Variants in FAM227B observed in about 807,000 individuals in gnomAD.
FAM227B encodes family with sequence similarity 227 member B.
FAM227B carries 88 observed loss-of-function variants against 73.8 expected under a neutral mutation model. That is an observed-to-expected ratio of 1.19 (90% confidence interval 1.00 to 1.42). The LOEUF is 1.42. Among genes scored for constraint, FAM227B ranks in the 40% most tolerant of loss-of-function variants. The pLI, the probability that FAM227B is intolerant of heterozygous loss-of-function variation, is 0.00. For missense variants in FAM227B, 632 were observed against 590.9 expected (o/e 1.07, Z -0.72); for synonymous variants, 210 against 190.5 (o/e 1.10, Z -0.84).
At chr15:49,475,845 G>A (rs1373308237) in intron 11 of FAM227B, among the ~76,000 whole-genome samples, 3 of 152,062 alleles carry the variant, frequency 2.0e-5, no homozygotes, top group Non-Finnish European at 2.9e-5. Flanking sequence ...AAAATTAGGC[G>A]GTCGTGGTGG....
intron 11 of FAM227B, among the ~76,000 whole-genome samples, chr15:49,492,865 G>A (rs978007197): frequency 1.4e-4 from 22 of 151,868 alleles, no homozygotes; most frequent in African/African-American, 4.8e-4. Context: ...GGATGTTGGT[G>A]CAGCATTGAT....
At chr15:49,607,795 TG>T (rs67292830) in intron 3 of FAM227B, among the ~76,000 whole-genome samples, 16,378 of 152,230 alleles carry the variant, frequency 0.11, 1,242 homozygotes, top group East Asian at 0.36. Flanking sequence ...TTTAATTCTT[TG>T]TGGCTGTATT....
At chr15:49,574,975 T>C (rs758881603) in intron 8 of FAM227B, 36 bp downstream of exon 8, 13 of 1,320,428 alleles carry the variant, frequency 9.8e-6, no homozygotes, top group Non-Finnish European at 1.4e-5. Flanking sequence ...ATGCCAAAAA[T>C]CAACTTAAAA....
intron 13 of FAM227B, among the ~76,000 whole-genome samples, chr15:49,363,660 G>A (rs1474737008): frequency 6.6e-6 from 1 of 152,128 alleles, no homozygotes; most frequent in Non-Finnish European, 1.5e-5. Flanking sequence ...CCAATACTAT[G>A]TTGAATAGGA....
At chr15:49,363,878 G>A (rs1420658040) in intron 13 of FAM227B, among the ~76,000 whole-genome samples, 1 of 152,066 alleles carries the variant, frequency 6.6e-6, no homozygotes, top group Non-Finnish European at 1.5e-5. Context: ...ATAATCTTAT[G>A]GGTCTGTTTT....
At chr15:49,351,522 A>C (rs934209485) in intron 13 of FAM227B, among the ~76,000 whole-genome samples, 2 of 152,222 alleles carry the variant, frequency 1.3e-5, no homozygotes, top group African/African-American at 2.4e-5. Context: ...CTACAAGAAA[A>C]GTAGTGAGCA....
At chr15:49,618,126 A>G (rs2078415399) in intron 1 of FAM227B, among the ~76,000 whole-genome samples, 1 of 152,220 alleles carries the variant, frequency 6.6e-6, no homozygotes, top group African/African-American at 2.4e-5. Flanking sequence ...TTTGCCATAT[A>G]AAATATCAAC....
rs116945946 is a variant in FAM227B at position 49,573,773 on chromosome 15, G to A, written c.645+1238C>T. 3.0e-4 allele frequency among the ~76,000 whole-genome samples: 45 copies of A among 152,270 alleles called. No homozygotes were observed. The East Asian group carries it at 7.5e-3, about 25-fold the overall frequency. On this transcript the variant is annotated intron_variant, in intron 8 of 15. Transcript: ENST00000299338. ...AATACAAGAGAGATGTTTAATAAAT[G>A]TCAATTAGTCAAGTTGCTTGACAGT...
chr15:49,366,348 A>G lies in FAM227B; in HGVS notation c.1271+1100T>C, dbSNP rs868669464. On this transcript the variant is annotated intron_variant, in intron 13 of 15. Coordinates refer to ENST00000299338, the MANE Select transcript of FAM227B (RefSeq NM_152647.3). ...AATAGGATACTGTTATTGACAACCA[A>G]CATTGCTTCAGCACCTCTTTTCTGT... 1.3e-5 allele frequency: 10 copies of G among 787,022 alleles called. No individual in the cohort carries two copies. The Middle Eastern group carries it at 1.1e-3, about 89-fold the overall frequency. 48.8% of individuals were successfully genotyped at this position (787,022 alleles called of 1,614,324 possible). A position where few individuals can be genotyped will look rare whatever the true frequency, so the allele number is the denominator to read the frequency against.
At chr15:49,374,817 T>C (rs1216501373) in intron 11 of FAM227B, among the ~76,000 whole-genome samples, 2 of 152,246 alleles carry the variant, frequency 1.3e-5, no homozygotes, top group South Asian at 2.1e-4. Flanking sequence ...GTGGTAGGAT[T>C]ACAGGCGTGA....
At chr15:49,457,788 T>C (rs999139565) in intron 11 of FAM227B, among the ~76,000 whole-genome samples, 3 of 151,962 alleles carry the variant, frequency 2.0e-5, no homozygotes, top group Non-Finnish European at 4.4e-5. Flanking sequence ...TAATACATTA[T>C]ATTAGAGAAT....
rs565695758 is a variant in FAM227B at position 49,396,688 on chromosome 15, C to A, written c.1013-25289G>T. On this transcript the variant is annotated intron_variant, in intron 11 of 15. Coordinates refer to ENST00000299338, the MANE Select transcript of FAM227B (RefSeq NM_152647.3). ...CTGCCTCCTCAAGTGGGTCCCTGACCCCTGACCCCCGAGCAGCCTAACTGG... is the reference window on the plus strand; with the variant it reads ...CTGCCTCCTCAAGTGGGTCCCTGACACCTGACCCCCGAGCAGCCTAACTGG... Among the ~76,000 whole-genome samples the A allele has an allele frequency of 4.5e-4, 68 of 151,262 alleles. 1 individual carries two copies. Among genetic ancestry groups the A allele is most frequent in the African/African-American group, 1.6e-3 (66 of 41,458 alleles).
chr15:49,595,443 C>T (rs2076833281), intron 3 of FAM227B, among the ~76,000 whole-genome samples: 1 of 151,618 alleles, frequency 6.6e-6, no homozygotes, highest in Non-Finnish European at 1.5e-5. Flanking sequence ...TATTTCTTTC[C>T]CTTATCTGAT....
chr15:49,591,029 G>GTTTTTTTTTTTTTTTTATTTTTTTTTTTT (rs71424023), intron 3 of FAM227B, among the ~76,000 whole-genome samples: 1 of 105,608 alleles, frequency 9.5e-6, no homozygotes, highest in African/African-American at 3.5e-5. Context: ...TCTTTTTTTT[G>GTTTTTTTTTTTTTTTTATTTTTTTTTTTT]TTTTTTTTTT....
intron 11 of FAM227B, among the ~76,000 whole-genome samples, chr15:49,463,849 G>A (rs1311909442): frequency 1.3e-5 from 2 of 152,172 alleles, no homozygotes; most frequent in Non-Finnish European, 1.5e-5. Flanking sequence ...ATTTGCTAAC[G>A]CTCTTATAAG....
chr15:49,598,340 A>C (rs997583858), intron 3 of FAM227B, among the ~76,000 whole-genome samples: 3 of 152,030 alleles, frequency 2.0e-5, no homozygotes, highest in Non-Finnish European at 4.4e-5. Context: ...GAATTCATTC[A>C]GTATTTCTAA....
chr15:49,464,582 TA>T (rs1375578691), intron 11 of FAM227B, among the ~76,000 whole-genome samples: 1 of 152,194 alleles, frequency 6.6e-6, no homozygotes, highest in East Asian at 1.9e-4. Flanking sequence ...TTGAATTTTG[TA>T]ATAAAATTTA....
At chr15:49,477,183 ATATT>A (rs1255088297) in intron 11 of FAM227B, among the ~76,000 whole-genome samples, 3 of 152,232 alleles carry the variant, frequency 2.0e-5, no homozygotes, top group African/African-American at 7.2e-5. Flanking sequence ...AGATGAGCCA[ATATT>A]TATTTATGCC....
intron 11 of FAM227B, among the ~76,000 whole-genome samples, chr15:49,421,502 C>A (rs893828205): frequency 8.5e-5 from 13 of 152,172 alleles, no homozygotes; most frequent in African/African-American, 3.1e-4. Context: ...TACAGTTAAT[C>A]CTATGTAGCA....
Sources: allele counts gnomAD v4.1 joint callset (sites outside exome capture counted in the v4.1 genomes callset), GRCh38; gene constraint gnomAD v4.1.1; transcripts MANE v1.5; gene names NCBI Gene and HGNC (gene_info 2026-07-23, HGNC 2026-07-21).